CRIM1: variants seen among roughly 807,000 people sequenced by gnomAD.
CRIM1 encodes the protein cysteine rich transmembrane BMP regulator 1, also known as cysteine-rich motor neuron 1 protein.
In CRIM1, 32 loss-of-function variants were observed where a neutral mutation model predicts 116.4. The ratio of observed to expected loss-of-function variants is 0.27; its 90% CI spans 0.21 to 0.37. CRIM1 has a LOEUF of 0.37. Ranked by LOEUF, CRIM1 falls within the 10% of genes least tolerant of loss-of-function variation. The pLI is 1.00. For synonymous variants in CRIM1, 590 were observed against 509.2 expected, an observed-to-expected ratio of 1.16 and a Z score of -2.13; for missense variants, 1,331 against 1,354.8, an observed-to-expected ratio of 0.98 and a Z score of 0.28.
In CRIM1 at chr2:36,509,926, G is replaced by A. The variant is rs535026338; in HGVS notation, c.1502-57G>A. 432 of 1,509,016 alleles carry A rather than the reference G, an allele frequency of 2.9e-4. 3 individuals are homozygous for A. In the African/African-American group the frequency reaches 5.2e-3, roughly 18 times the overall value. 93.5% of individuals were successfully genotyped at this position (1,509,016 alleles called of 1,614,324 possible). ...GATTCAGGGACCGTATTTCAGCATC[G>A]AAGTGTTCTGCTCTGTTCATCTTTG... On this transcript the variant is annotated intron_variant, in intron 8 of 16. Coordinates refer to ENST00000280527, the MANE Select transcript of CRIM1 (RefSeq NM_016441.3).
At chr2:36,480,954 G>A (rs1679372765) in intron 7 of CRIM1, among the ~76,000 whole-genome samples, 1 of 152,184 alleles carries the variant, frequency 6.6e-6, no homozygotes, top group African/African-American at 2.4e-5. Flanking sequence ...ACAGGAAAGG[G>A]TGCCTTACTG....
In CRIM1 at chr2:36,479,546, G is replaced by T. The variant is rs1360027308; in HGVS notation, c.1224G>T (p.Leu408=). 6.2e-7 allele frequency: 1 copy of T among 1,614,216 alleles called. No individual in the cohort carries two copies. The highest frequency in any genetic ancestry group is 8.5e-7 in the Non-Finnish European group (1 of 1,180,030). Residue 408 remains leucine (L), a synonymous_variant, in exon 7 of 17, where the codon CTG becomes CTT. Coordinates refer to ENST00000280527, the MANE Select transcript of CRIM1 (RefSeq NM_016441.3). ...NNPAGCYANG[L]ILAHGDRWRE... is the part of the protein sequence containing the mutation. ...CCGCTGGCTGCTATGCCAATGGCCTGATCCTTGCCCACGGAGACCGGTGGC... is the reference window on the plus strand; with the variant it reads ...CCGCTGGCTGCTATGCCAATGGCCTTATCCTTGCCCACGGAGACCGGTGGC...
chr2:36,511,825 C>G (rs1050509984), intron 9 of CRIM1, among the ~76,000 whole-genome samples: 11 of 125,812 alleles, frequency 8.7e-5, no homozygotes, highest in African/African-American at 3.4e-4. Flanking sequence ...TTACTTTCTG[C>G]ATGCAGCAGA....
chr2:36,371,690 A>G (rs1020348890), intron 1 of CRIM1, among the ~76,000 whole-genome samples: 1 of 152,116 alleles, frequency 6.6e-6, no homozygotes, highest in Non-Finnish European at 1.5e-5. Context: ...GATAATTTTT[A>G]TTTGTGTGGA....
intron 5 of CRIM1, among the ~76,000 whole-genome samples, chr2:36,475,983 ATTTT>A (rs545199172): frequency 6.7e-6 from 1 of 149,528 alleles, no homozygotes; most frequent in Non-Finnish European, 1.5e-5. Flanking sequence ...TCTGCTAGTA[ATTTT>A]TTTTAAGATT....
At chr2:36,493,967 C>T (rs1427294771) in intron 7 of CRIM1, among the ~76,000 whole-genome samples, 1 of 152,072 alleles carries the variant, frequency 6.6e-6, no homozygotes, top group African/African-American at 2.4e-5. Context: ...AAACTTTATA[C>T]CAGCATCTTA....
At chr2:36,538,330 C>A (rs1249034100) in intron 14 of CRIM1, among the ~76,000 whole-genome samples, 1 of 152,170 alleles carries the variant, frequency 6.6e-6, no homozygotes, top group African/African-American at 2.4e-5. Flanking sequence ...TCCCTGGGGA[C>A]TGACCCCTAG....
intron 6 of CRIM1, 21 bp downstream of exon 6, chr2:36,477,092 C>T: frequency 6.4e-7 from 1 of 1,572,838 alleles, no homozygotes; most frequent in Non-Finnish European, 8.7e-7. Context: ...GTGCTAATTA[C>T]AGATTAACAG....
chr2:36,489,582 T>C (rs911540215), intron 7 of CRIM1, among the ~76,000 whole-genome samples: 2 of 152,220 alleles, frequency 1.3e-5, no homozygotes, highest in African/African-American at 2.4e-5. Flanking sequence ...ATTCTTGTTA[T>C]GAAAGTACTG....
intron 2 of CRIM1, among the ~76,000 whole-genome samples, chr2:36,438,305 T>G (rs1046007848): frequency 6.6e-6 from 1 of 152,144 alleles, no homozygotes; most frequent in Admixed American, 6.5e-5. Context: ...GACAGCAAAT[T>G]AACAAGAGTA....
intron 1 of CRIM1, among the ~76,000 whole-genome samples, chr2:36,362,764 A>G (rs1669310340): frequency 6.6e-6 from 1 of 152,184 alleles, no homozygotes; most frequent in South Asian, 2.1e-4. Context: ...GGCCCACATG[A>G]AAAAAGTAAA....
Position 36,542,045 on chromosome 2 carries a change from T to G in CRIM1, c.2624-2331T>G, listed in dbSNP as rs1485513561. On this transcript the variant is annotated intron_variant, in intron 14 of 16. Coordinates refer to ENST00000280527, the MANE Select transcript of CRIM1 (RefSeq NM_016441.3). The stretch of plus-strand genomic sequence containing the variant: ...GGGAAATGACTCTCTTCCCTTGGAC[T>G]TGAGGACTGTGAACTGGAGCTGTGC... 5.9e-5 allele frequency among the ~76,000 whole-genome samples: 9 copies of G among 152,200 alleles called. 1 individual carries two copies. The highest frequency in any genetic ancestry group is 5.9e-4 in the Admixed American group (9 of 15,280).
intron 1 of CRIM1, among the ~76,000 whole-genome samples, chr2:36,362,845 C>A (rs1048148331): frequency 6.6e-6 from 1 of 152,132 alleles, no homozygotes; most frequent in African/African-American, 2.4e-5. Context: ...CCTCCCTCCT[C>A]CAGTCCCAGT....
At chr2:36,492,714 C>T (rs902086075) in intron 7 of CRIM1, among the ~76,000 whole-genome samples, 1 of 152,134 alleles carries the variant, frequency 6.6e-6, no homozygotes, top group African/African-American at 2.4e-5. Flanking sequence ...GCCTTATCTC[C>T]AGTTTTATGG....
At chr2:36,521,597 G>A (rs1016810073) in intron 12 of CRIM1, among the ~76,000 whole-genome samples, 2 of 152,180 alleles carry the variant, frequency 1.3e-5, no homozygotes, top group South Asian at 2.1e-4. Context: ...CGTGATCAAC[G>A]CACTCCTATC....
rs1202642071 is a variant in CRIM1, at chr2:36,477,222, G to A, written c.1174+151G>A. 21 of 626,056 alleles carry A rather than the reference G, an allele frequency of 3.4e-5. No homozygotes were observed. In the Admixed American group the frequency reaches 5.0e-4, roughly 15 times the overall value. The allele number at this position is 626,056 out of a possible 1,614,324, so 38.8% of individuals were successfully genotyped here. ...TTAAGACACCATGGTCTGTCTTTTA[G>A]CATGTTAAAGCCAGGTAGAGTGTGT... On this transcript the variant is annotated intron_variant, in intron 6 of 16. Coordinates refer to ENST00000280527, the MANE Select transcript of CRIM1 (RefSeq NM_016441.3).
chr2:36,480,938 G>A (rs56916603), intron 7 of CRIM1, among the ~76,000 whole-genome samples: 209 of 152,212 alleles, frequency 1.4e-3, no homozygotes, highest in African/African-American at 4.8e-3. Flanking sequence ...TTGTATAGTC[G>A]GCCTTACAGG....
At chr2:36,368,560 C>T (rs1340211029) in intron 1 of CRIM1, among the ~76,000 whole-genome samples, 1 of 152,170 alleles carries the variant, frequency 6.6e-6, no homozygotes, top group African/African-American at 2.4e-5. Flanking sequence ...TAGCAATCAG[C>T]TTGTTTGCCT....
chr2:36,493,244 A>AAAG (rs1244816499), intron 7 of CRIM1, among the ~76,000 whole-genome samples: 2 of 152,006 alleles, frequency 1.3e-5, no homozygotes, highest in Non-Finnish European at 2.9e-5. Context: ...CCTCATCTCG[A>AAAG]AAGAAGAAGA....
Sources: allele counts gnomAD v4.1 joint callset (sites outside exome capture counted in the v4.1 genomes callset), GRCh38; gene constraint gnomAD v4.1.1; transcripts MANE v1.5; gene names NCBI Gene and HGNC (gene_info 2026-07-23, HGNC 2026-07-21).